The following EYA1 variants were observed in gnomAD, a reference collection of about 807,000 sequenced individuals.
EYA1 encodes EYA transcriptional coactivator and phosphatase 1.
EYA1 carries 16 observed loss-of-function variants against 82.0 expected under a neutral mutation model. The ratio of observed to expected loss-of-function variants is 0.20; its 90% CI spans 0.13 to 0.30. The LOEUF is 0.30. Among genes scored for constraint, EYA1 ranks in the 10% least tolerant of loss-of-function variants. The pLI is 1.00. For missense variants in EYA1, 633 were observed against 730.7 expected (o/e 0.87, Z 1.54); for synonymous variants, 261 against 264.4 (o/e 0.99, Z 0.12).
intron 2 of EYA1, among the ~76,000 whole-genome samples, chr8:71,481,260 C>A (rs1810132803): frequency 6.6e-6 from 1 of 152,072 alleles, no homozygotes; most frequent in Non-Finnish European, 1.5e-5. Context: ...TATGAGAAAG[C>A]ACCTTACAAA....
chr8:71,323,425 T>G (rs77529592), intron 4 of EYA1, among the ~76,000 whole-genome samples: 2,463 of 152,334 alleles, frequency 0.016, 74 homozygotes, highest in African/African-American at 0.055. Context: ...TTTCCCATTG[T>G]CACACTGGTA....
At chr8:71,526,920 A>G (rs919841121) in intron 2 of EYA1, among the ~76,000 whole-genome samples, 1 of 152,192 alleles carries the variant, frequency 6.6e-6, no homozygotes, top group Non-Finnish European at 1.5e-5. Flanking sequence ...ATCACCACAA[A>G]CACATCCTGG....
intron 9 of EYA1, among the ~76,000 whole-genome samples, chr8:71,295,745 T>A (rs927404886): frequency 1.3e-5 from 2 of 152,176 alleles, no homozygotes; most frequent in Non-Finnish European, 2.9e-5. Context: ...AAAATTTATA[T>A]CTATTAAAAA....
At chr8:71,425,468 T>C (rs1279938315) in intron 2 of EYA1, among the ~76,000 whole-genome samples, 1 of 152,126 alleles carries the variant, frequency 6.6e-6, no homozygotes, top group Non-Finnish European at 1.5e-5. Context: ...CCTATGAAAT[T>C]TTCACATTAG....
intron 4 of EYA1, among the ~76,000 whole-genome samples, chr8:71,324,424 C>T (rs1238874536): frequency 6.6e-6 from 1 of 152,208 alleles, no homozygotes; most frequent in African/African-American, 2.4e-5. Flanking sequence ...GTTATTCCCT[C>T]TATGTCTCCA....
At chr8:71,266,506 T>TA (rs1815834007) in intron 11 of EYA1, among the ~76,000 whole-genome samples, 1 of 152,176 alleles carries the variant, frequency 6.6e-6, no homozygotes, top group Non-Finnish European at 1.5e-5. Flanking sequence ...CCAGCTACAA[T>TA]TCAACATCCT....
upstream of EYA1, among the ~76,000 whole-genome samples, chr8:71,366,984 C>A (rs1013646354): frequency 3.9e-5 from 6 of 152,146 alleles, no homozygotes; most frequent in African/African-American, 1.4e-4. Context: ...TATATAGTAG[C>A]TGATTATTTC....
intron 7 of EYA1, among the ~76,000 whole-genome samples, chr8:71,308,095 G>A (rs1485516573): frequency 6.6e-6 from 1 of 152,148 alleles, no homozygotes; most frequent in Admixed American, 6.5e-5. Flanking sequence ...GGATGGATAA[G>A]GTGACCATTA....
At chr8:71,288,733 A>G (rs1051939533) in intron 9 of EYA1, among the ~76,000 whole-genome samples, 61 of 152,236 alleles carry the variant, frequency 4.0e-4, no homozygotes, top group African/African-American at 1.4e-3. Flanking sequence ...TTCCAAACCA[A>G]TTCATGCTTA....
intron 2 of EYA1, among the ~76,000 whole-genome samples, chr8:71,434,498 C>T (rs1447447183): frequency 6.6e-6 from 1 of 152,054 alleles, no homozygotes. Flanking sequence ...CATTGGTTTG[C>T]TTGGTAAAAA....
chr8:71,440,564 A>T (rs928142305), intron 2 of EYA1, among the ~76,000 whole-genome samples: 1 of 152,194 alleles, frequency 6.6e-6, no homozygotes, highest in South Asian at 2.1e-4. Context: ...AAGACCAAAC[A>T]TGCAAAACAT....
chr8:71,437,170 G>A (rs983376683), intron 2 of EYA1, among the ~76,000 whole-genome samples: 1 of 150,818 alleles, frequency 6.6e-6, no homozygotes, highest in African/African-American at 2.4e-5. Flanking sequence ...TGTATATTAA[G>A]CCACCAAATT....
At chr8:71,294,195 C>T (rs1819326085) in intron 9 of EYA1, among the ~76,000 whole-genome samples, 1 of 152,106 alleles carries the variant, frequency 6.6e-6, no homozygotes, top group Non-Finnish European at 1.5e-5. Flanking sequence ...CGCGGTGGCT[C>T]ACGCCTGTAA....
At chr8:71,387,861 G>A (rs77004595) in intron 2 of EYA1, among the ~76,000 whole-genome samples, 8,545 of 152,060 alleles carry the variant, frequency 0.056, 773 homozygotes, top group African/African-American at 0.19. Flanking sequence ...TGAGGGCAGT[G>A]GAGAACAATT....
intron 16 of EYA1, among the ~76,000 whole-genome samples, chr8:71,211,488 T>C (rs557142689): frequency 1.3e-5 from 2 of 152,324 alleles, no homozygotes; most frequent in South Asian, 4.1e-4. Flanking sequence ...GATAGTTAAA[T>C]ACTCTCTTCC....
chr8:71,294,129 T>C (rs1480945687), intron 9 of EYA1, among the ~76,000 whole-genome samples: 1 of 151,994 alleles, frequency 6.6e-6, no homozygotes, highest in Non-Finnish European at 1.5e-5. Flanking sequence ...TCAAATGCCT[T>C]CCTATATACC....
At chr8:71,356,535 A>G in intron 1 of EYA1, 24 bp from the exon 2 acceptor site, 1 of 1,556,976 alleles carries the variant, frequency 6.4e-7, no homozygotes. Flanking sequence ...TAAAAAAATT[A>G]GAAGATGTTG....
Position 71,499,444 on chromosome 8 carries a change from T to C in EYA1, c.33+36300A>G, listed in dbSNP as rs1264574797. Among the ~76,000 whole-genome samples the C allele has an allele frequency of 2.0e-5, 3 of 152,196 alleles. No homozygotes were observed. In the East Asian group the frequency reaches 5.8e-4, roughly 29 times the overall value. ...TGAGGCACAGAGGTGCTAAGGAACTTACTAGAAAGAGTTCAGTTACTAGAT... is the reference window on the plus strand; with the variant it reads ...TGAGGCACAGAGGTGCTAAGGAACTCACTAGAAAGAGTTCAGTTACTAGAT... On this transcript the variant is annotated intron_variant, in intron 2 of 18. Coordinates refer to the EYA1 transcript ENST00000643681.
chr8:71,225,172 C>T lies in EYA1; in HGVS notation c.1141-8149G>A, dbSNP rs117235374. 1,895 of 455,288 alleles carry T rather than the reference C, an allele frequency of 4.2e-3. 6 individuals are homozygous for T. The highest frequency in any genetic ancestry group is 5.1e-3 in the Non-Finnish European group (1,153 of 226,428). 28.2% of individuals were successfully genotyped at this position (455,288 alleles called of 1,614,324 possible). On this transcript the variant is annotated intron_variant, in intron 12 of 17. Transcript: ENST00000340726. ...CTTACTGATGCAGAACAGCATGATT[C>T]CATTGTGCTTTCTAAGGGCACGTCC...
Sources: gnomAD v4.1 joint callset for allele counts (sites outside exome capture counted in the v4.1 genomes callset) on GRCh38, gnomAD v4.1.1 for gene constraint, MANE v1.5 for transcripts, NCBI Gene and HGNC (gene_info 2026-07-23, HGNC 2026-07-21) for gene names.